SYNE2: variants seen among roughly 807,000 people sequenced by gnomAD.
The protein encoded by SYNE2 is spectrin repeat containing nuclear envelope protein 2, also known as nesprin-2.
A neutral mutation model predicts 856.3 loss-of-function variants in SYNE2; 431 were observed. The ratio of observed to expected loss-of-function variants is 0.50; its 90% confidence interval spans 0.47 to 0.55. The LOEUF (loss-of-function observed/expected upper bound fraction) is 0.55. Ranked by LOEUF, SYNE2 falls within the 20% of genes least tolerant of loss-of-function variation. SYNE2 has a pLI of 0.00. For missense variants in SYNE2, 8,129 were observed against 8,023.2 expected (o/e 1.01, Z -0.50); for synonymous variants, 2,923 against 2,872.3 (o/e 1.02, Z -0.56).
intron 10 of SYNE2, among the ~76,000 whole-genome samples, chr14:63,965,757 T>G (rs999332728): frequency 3.3e-5 from 5 of 152,244 alleles, no homozygotes; most frequent in Non-Finnish European, 5.9e-5. Flanking sequence ...TTTCCTTTTT[T>G]GCTTTGGAAG....
Position 64,122,104 on chromosome 14 carries a change from TAACGATAC to T in SYNE2, c.13255_13262del (p.Asp4419SerfsTer13). The T allele has an allele frequency of 6.2e-7, 1 of 1,614,140 alleles. No individual in the cohort carries two copies. Among genetic ancestry groups the T allele is most frequent in the Non-Finnish European group, 8.5e-7 (1 of 1,180,022 alleles). On this transcript the variant is annotated frameshift_variant, in exon 69 of 116. Coordinates refer to ENST00000555002, the MANE Select transcript of SYNE2 (RefSeq NM_182914.3). LOFTEE classifies it high-confidence loss of function. ...TGTGGCCCCAGTATTGCCAACATGATAACGATACAACTCAGGAATCATCTGCAAGGTAA... is the reference window on the plus strand; with the variant it reads ...TGTGGCCCCAGTATTGCCAACATGATAACTCAGGAATCATCTGCAAGGTAA...
chr14:63,983,843 A>G lies in SYNE2; in HGVS notation c.2108A>G (p.Asp703Gly). The change falls in exon 18 of 116, where the codon GAT becomes GGT. Residue 703 changes from aspartate to glycine, a missense_variant. Physicochemically the swap from Asp to Gly is moderately conservative, Grantham distance 94 (BLOSUM62 -1). Around this residue, in one of 3 missense-constraint regions of SYNE2, gnomAD observed 2,422 missense variants for 2,357.4 expected, o/e 1.03. Coordinates refer to ENST00000555002, the MANE Select transcript of SYNE2 (RefSeq NM_182914.3). ...AAAGCAACTGTTGAGTTTTCAACAGATATGTCAGTAGAACTTCCTGAAAAT... is the reference window on the plus strand; with the variant it reads ...AAAGCAACTGTTGAGTTTTCAACAGGTATGTCAGTAGAACTTCCTGAAAAT... ...EEKATVEFST[D>G]MSVELPENYN... 1 of 1,591,634 alleles carries G rather than the reference A, an allele frequency of 6.3e-7. No individual in the cohort carries two copies. The highest frequency in any genetic ancestry group is 8.6e-7 in the Non-Finnish European group (1 of 1,161,034).
intron 14 of SYNE2, 127 bp downstream of exon 14, chr14:63,979,141 T>A: frequency 1.1e-6 from 1 of 887,632 alleles, no homozygotes; most frequent in Non-Finnish European, 1.8e-6. Context: ...TAGATTTCAT[T>A]AGCTTAAATA....
intron 87 of SYNE2, 91 bp from the exon 88 acceptor site, chr14:64,161,981 C>T: frequency 7.1e-7 from 1 of 1,399,840 alleles, no homozygotes; most frequent in Non-Finnish European, 1.0e-6. Context: ...GATCCATCTG[C>T]TAGTAACTTA....
intron 107 of SYNE2, 140 bp from the exon 108 acceptor site, chr14:64,216,108 G>A: frequency 6.5e-7 from 1 of 1,544,028 alleles, no homozygotes; most frequent in Non-Finnish European, 8.7e-7. Flanking sequence ...TCTCTTCTGG[G>A]ACATACTGAC....
Position 63,979,928 on chromosome 14 carries a change from G to C in SYNE2, c.1570-726G>C, listed in dbSNP as rs565711552. Among the ~76,000 whole-genome samples, 6 of 151,682 alleles carry C rather than the reference G, an allele frequency of 4.0e-5. No homozygotes were observed. In the South Asian group the frequency reaches 1.0e-3, roughly 26 times the overall value. On this transcript the variant is annotated intron_variant, in intron 14 of 115. Transcript: ENST00000555002. ...CTTAAAAAAGAAAAATAGAAATGAG[G>C]GGGGGAAGGAAAAATCCAAGATTGT... is the stretch of plus-strand genomic sequence containing the variant.
chr14:64,216,201 C>G, intron 107 of SYNE2, 47 bp from the exon 108 acceptor site: 1 of 1,612,412 alleles, frequency 6.2e-7, no homozygotes, highest in Non-Finnish European at 8.5e-7. Context: ...ACCCGTGACC[C>G]GTTCAGTAGG....
intron 6 of SYNE2, among the ~76,000 whole-genome samples, chr14:63,946,526 C>T (rs1386455771): frequency 6.8e-6 from 1 of 148,056 alleles, no homozygotes; most frequent in Admixed American, 6.8e-5. Context: ...TATATATGAT[C>T]TCCAGTATAT....
At chr14:64,086,022 T>C (rs148477686) in intron 57 of SYNE2, among the ~76,000 whole-genome samples, 2 of 152,198 alleles carry the variant, frequency 1.3e-5, no homozygotes, top group African/African-American at 4.8e-5. Context: ...TGAGGTCCAA[T>C]GTATCAATAT....
chr14:64,203,658 C>CTT (rs200181223), intron 100 of SYNE2, among the ~76,000 whole-genome samples: 1 of 151,636 alleles, frequency 6.6e-6, no homozygotes, highest in Non-Finnish European at 1.5e-5. Flanking sequence ...TATGTCTTTA[C>CTT]TTTTTTTTTA....
At position 63,916,701 on chromosome 14, in the gene SYNE2, G is replaced by A. The variant is rs553642370; in HGVS notation, c.79+7474G>A. 2.2e-4 allele frequency among the ~76,000 whole-genome samples: 34 copies of A among 152,226 alleles called. No individual in the cohort carries two copies. The South Asian group carries it at 6.0e-3, about 27-fold the overall frequency. ...TGTTTAGGGGCTCAATAGTGCTTTCGTATTCTGTTTATGAGAGAAGACTCT... is the reference window on the plus strand; with the variant it reads ...TGTTTAGGGGCTCAATAGTGCTTTCATATTCTGTTTATGAGAGAAGACTCT... On this transcript the variant is annotated intron_variant, in intron 2 of 115. Coordinates refer to ENST00000555002, the MANE Select transcript of SYNE2 (RefSeq NM_182914.3).
At chr14:64,203,755 A>T (rs1447787214) in intron 100 of SYNE2, among the ~76,000 whole-genome samples, 1 of 152,224 alleles carries the variant, frequency 6.6e-6, no homozygotes, top group Non-Finnish European at 1.5e-5. Flanking sequence ...CAACCATAGA[A>T]GCAGTATGAT....
At chr14:64,108,370 A>G (rs766558320) in intron 65 of SYNE2, among the ~76,000 whole-genome samples, 2 of 152,014 alleles carry the variant, frequency 1.3e-5, no homozygotes, top group Non-Finnish European at 2.9e-5. Context: ...AAAAATGTAT[A>G]TATATATATA....
rs529339918 is a variant in SYNE2 at position 64,015,658 on chromosome 14, C to T, written c.4729-815C>T. 6.3e-4 allele frequency among the ~76,000 whole-genome samples: 95 copies of T among 151,744 alleles called. 1 individual carries two copies. The highest frequency in any genetic ancestry group is 6.8e-3 in the Middle Eastern group (2 of 294). Reference sequence around the variant, plus strand: ...AGCTCTTTATTTTATTGGTTTTTTTCCCCTAATGTTCTTGTATTTTCAACT... The same window carrying T: ...AGCTCTTTATTTTATTGGTTTTTTTTCCCTAATGTTCTTGTATTTTCAACT... On this transcript the variant is annotated intron_variant, in intron 32 of 115. Transcript: ENST00000555002.
intron 1 of SYNE2, among the ~76,000 whole-genome samples, chr14:63,781,611 G>C (rs931012623): frequency 2.0e-5 from 3 of 151,638 alleles, no homozygotes; most frequent in African/African-American, 7.3e-5. Context: ...GAGAAGAGGA[G>C]GGCTAGCATG....
chr14:63,950,082 C>T (rs1595834512), intron 7 of SYNE2, 76 bp downstream of exon 7: 1 of 1,464,214 alleles, frequency 6.8e-7, no homozygotes, highest in Non-Finnish European at 9.6e-7. Context: ...ACCCAAACAC[C>T]TCCCTCACTT....
At chr14:63,996,899 C>A in intron 23 of SYNE2, 48 bp from the exon 24 acceptor site, 1 of 1,558,190 alleles carries the variant, frequency 6.4e-7, no homozygotes, top group South Asian at 1.1e-5. Context: ...ATGGAATAAT[C>A]ATGTAAACTC....
intron 1 of SYNE2, among the ~76,000 whole-genome samples, chr14:63,874,893 T>A (rs1193205423): frequency 6.6e-6 from 1 of 152,154 alleles, no homozygotes; most frequent in East Asian, 1.9e-4. Flanking sequence ...ATAAAAAATG[T>A]CAAAGGGGAA....
At chr14:63,899,823 A>G (rs556454959) in intron 1 of SYNE2, among the ~76,000 whole-genome samples, 1 of 152,324 alleles carries the variant, frequency 6.6e-6, no homozygotes, top group African/African-American at 2.4e-5. Context: ...TTGTTCTAGT[A>G]TGGTGACTAG....
Sources: gnomAD v4.1 joint callset for allele counts (sites outside exome capture counted in the v4.1 genomes callset) on GRCh38, gnomAD v4.1.1 for gene constraint, gnomAD v4.1.1 regional missense constraint, MANE v1.5 for transcripts, NCBI Gene and HGNC (gene_info 2026-07-23, HGNC 2026-07-21) for gene names.